Variants in AGO2 observed in about 807,000 individuals in gnomAD.
AGO2 encodes the protein argonaute RISC catalytic component 2, also known as protein argonaute-2.
Under a neutral mutation model 102.3 loss-of-function variants are expected in AGO2, and 5 were observed. That is an observed-to-expected ratio of 0.05 (90% CI 0.03 to 0.10). The LOEUF is 0.10. Ranked by LOEUF, AGO2 falls within the 10% of genes least tolerant of loss-of-function variation. The pLI, the probability that AGO2 is intolerant of heterozygous loss-of-function variation, is 1.00. For synonymous variants in AGO2, 449 were observed against 473.1 expected, an observed-to-expected ratio of 0.95 and a Z score of 0.66; for missense variants, 541 against 1,183.7, an observed-to-expected ratio of 0.46 and a Z score of 7.97.
At chr8:140,633,512 G>C (rs1047914669) in intron 1 of AGO2, among the ~76,000 whole-genome samples, 1 of 152,214 alleles carries the variant, frequency 6.6e-6, no homozygotes, top group Non-Finnish European at 1.5e-5. Context: ...AAACGAGCCT[G>C]TGGATCATGA....
At chr8:140,624,751 A>G (rs2074254725) in intron 1 of AGO2, among the ~76,000 whole-genome samples, 1 of 152,252 alleles carries the variant, frequency 6.6e-6, no homozygotes, top group African/African-American at 2.4e-5. Context: ...TAAGGAGCAC[A>G]GAGGAAGACA....
intron 1 of AGO2, among the ~76,000 whole-genome samples, chr8:140,603,842 T>C (rs777699731): frequency 1.3e-5 from 2 of 152,220 alleles, no homozygotes; most frequent in Non-Finnish European, 2.9e-5. Flanking sequence ...AGACTCCACA[T>C]CAGCCATGTG....
chr8:140,627,786 G>A (rs2074294971), intron 1 of AGO2, among the ~76,000 whole-genome samples: 1 of 152,174 alleles, frequency 6.6e-6, no homozygotes, highest in Non-Finnish European at 1.5e-5. Flanking sequence ...ACCACAGGCG[G>A]CACCCCACAC....
chr8:140,579,530 T>C (rs899388263), intron 2 of AGO2, among the ~76,000 whole-genome samples: 8 of 152,116 alleles, frequency 5.3e-5, no homozygotes, highest in African/African-American at 1.9e-4. Flanking sequence ...ACTTGCTACT[T>C]AGTTGCCTGT....
intron 3 of AGO2, among the ~76,000 whole-genome samples, chr8:140,570,469 A>T (rs1399665348): frequency 1.3e-5 from 2 of 151,944 alleles, no homozygotes; most frequent in Admixed American, 1.3e-4. Flanking sequence ...GCCTCAAGTG[A>T]TCCGCCTGCC....
intron 2 of AGO2, among the ~76,000 whole-genome samples, chr8:140,584,012 C>T (rs1340889475): frequency 2.0e-5 from 3 of 152,038 alleles, no homozygotes; most frequent in African/African-American, 4.8e-5. Flanking sequence ...CGTTGTCATG[C>T]GGTACATGAC....
chr8:140,572,647 A>T (rs2073397545), intron 3 of AGO2, 165 bp downstream of exon 3: 1 of 946,684 alleles, frequency 1.1e-6, no homozygotes. Context: ...CAACACAGAG[A>T]AGGTAGTTTT....
At chr8:140,615,596 G>A (rs951824203) in intron 1 of AGO2, among the ~76,000 whole-genome samples, 2 of 152,274 alleles carry the variant, frequency 1.3e-5, no homozygotes, top group African/African-American at 4.8e-5. Flanking sequence ...CAGAATAGAA[G>A]TGGCTGACAT....
rs1564113851 is a variant in AGO2, at chr8:140,607,509, TATATATAC to T, written c.23-22206_23-22199del. On this transcript the variant is annotated intron_variant, in intron 1 of 18. Transcript: ENST00000220592. ...ATATATATATATATATATATATATA[TATATATAC>T]ACACACACACACGTATGGAAAAAAA... Among the ~76,000 whole-genome samples the T allele has an allele frequency of 3.1e-3, 27 of 8,678 alleles. 1 individual carries two copies. Among genetic ancestry groups the T allele is most frequent in the African/African-American group, 7.4e-3 (22 of 2,986 alleles). The allele number at this position is 8,678 out of a possible 152,430, so 5.7% of individuals were successfully genotyped here.
At chr8:140,601,847 C>T (rs2073938084) in intron 1 of AGO2, among the ~76,000 whole-genome samples, 1 of 152,142 alleles carries the variant, frequency 6.6e-6, no homozygotes, top group Non-Finnish European at 1.5e-5. Flanking sequence ...GTTAAGGCAC[C>T]CTGCTTTGGT....
intron 7 of AGO2, 45 bp downstream of exon 7, chr8:140,558,440 A>G (rs372118203): frequency 5.6e-5 from 89 of 1,595,456 alleles, no homozygotes; most frequent in South Asian, 1.1e-5. Context: ...TCGGAGTGAC[A>G]GTGGGGGCCC....
intron 1 of AGO2, among the ~76,000 whole-genome samples, chr8:140,631,267 C>T (rs901838833): frequency 9.9e-5 from 15 of 152,120 alleles, no homozygotes; most frequent in Admixed American, 3.9e-4. Flanking sequence ...GTAGGCCGGG[C>T]GTGGTGGCTC....
intron 2 of AGO2, among the ~76,000 whole-genome samples, 192 bp from the exon 3 acceptor site, chr8:140,573,124 C>T (rs1221271733): frequency 1.3e-5 from 2 of 151,582 alleles, no homozygotes; most frequent in African/African-American, 2.4e-5. Flanking sequence ...ATTCTCCTCC[C>T]TTAACCTCAC....
chr8:140,528,572 G>C lies in AGO2; in HGVS notation c.*3472C>G, dbSNP rs1300885719. 1 of 152,184 alleles carries C rather than the reference G, an allele frequency of 6.6e-6. No individual in the cohort carries two copies. The highest frequency in any genetic ancestry group is 2.4e-5 in the African/African-American group (1 of 41,440). 9.4% of individuals were successfully genotyped at this position (152,184 alleles called of 1,614,324 possible). The stretch of plus-strand genomic sequence containing the variant: ...GTACAATGGTCACGCATCGTTTGTG[G>C]TTCTAGAGTGCAAACATTCATTCAA... On this transcript the variant is annotated 3_prime_UTR_variant, in exon 19 of 19. Coordinates refer to ENST00000220592, the MANE Select transcript of AGO2 (RefSeq NM_012154.5). The surrounding 1 kb of genome is among the most constrained non-coding windows in gnomAD (Gnocchi z 4.5).
At chr8:140,568,299 A>AAAG (rs1368365026) in intron 3 of AGO2, among the ~76,000 whole-genome samples, 2 of 150,424 alleles carry the variant, frequency 1.3e-5, no homozygotes, top group Admixed American at 6.6e-5. Flanking sequence ...AAAAAAAAAA[A>AAAG]AGAGAGAGCA....
At chr8:140,632,555 G>A (rs902838799) in intron 1 of AGO2, among the ~76,000 whole-genome samples, 20 of 152,322 alleles carry the variant, frequency 1.3e-4, no homozygotes, top group African/African-American at 4.8e-4. Context: ...TGTAACACAC[G>A]GGAGCTTGAA....
intron 1 of AGO2, among the ~76,000 whole-genome samples, chr8:140,607,513 T>TAC (rs2074019160): frequency 2.9e-4 from 3 of 10,302 alleles, no homozygotes; most frequent in African/African-American, 7.8e-4. Context: ...TATATATATA[T>TAC]ATACACACAC....
intron 1 of AGO2, among the ~76,000 whole-genome samples, chr8:140,628,600 T>C (rs1563659693): frequency 6.9e-6 from 1 of 144,844 alleles, no homozygotes; most frequent in Non-Finnish European, 1.5e-5. Flanking sequence ...AGGCCAGGAG[T>C]GAGACCAGCC....
intron 2 of AGO2, among the ~76,000 whole-genome samples, chr8:140,583,339 A>G (rs1478382073): frequency 6.6e-6 from 1 of 152,202 alleles, no homozygotes; most frequent in Middle Eastern, 3.2e-3. Flanking sequence ...ATGTGAGCCA[A>G]TTCCCCTAAT....
Sources: allele counts gnomAD v4.1 joint callset (sites outside exome capture counted in the v4.1 genomes callset), GRCh38; gene constraint gnomAD v4.1.1; non-coding constraint Gnocchi (gnomAD v3.1); transcripts MANE v1.5; gene names NCBI Gene and HGNC (gene_info 2026-07-23, HGNC 2026-07-21).